MEF2C: variants seen among roughly 807,000 people sequenced by gnomAD.
The protein encoded by MEF2C is myocyte enhancer factor 2C.
A neutral mutation model predicts 50.5 loss-of-function variants in MEF2C; 6 were observed. That is an observed-to-expected ratio of 0.12 (90% CI 0.07 to 0.23). The LOEUF is 0.23. Among genes scored for constraint, MEF2C ranks in the 10% least tolerant of loss-of-function variants. MEF2C has a pLI of 1.00. For missense variants in MEF2C, 276 were observed against 605.0 expected (o/e 0.46, Z 5.70); for synonymous variants, 183 against 228.0 (o/e 0.80, Z 1.78).
chr5:88,888,381 C>G (rs988336936), intron 1 of MEF2C: 6 of 152,218 alleles, frequency 3.9e-5, no homozygotes, highest in Non-Finnish European at 8.8e-5. Flanking sequence ...AGCAGGAGGA[C>G]TTTGCATAGT....
At chr5:88,879,733 T>C (rs889478580) in intron 1 of MEF2C, among the ~76,000 whole-genome samples, 2 of 152,142 alleles carry the variant, frequency 1.3e-5, no homozygotes, top group African/African-American at 4.8e-5. Flanking sequence ...AGGACATGTT[T>C]TCTCTTACTT....
intron 5 of MEF2C, chr5:88,751,432 C>T (rs1477242587): frequency 1.0e-6 from 1 of 984,952 alleles, no homozygotes; most frequent in African/African-American, 1.7e-5. Flanking sequence ...AAAATTGACC[C>T]AAATAATAAA....
At chr5:88,795,238 A>G (rs1795520770) in intron 3 of MEF2C, among the ~76,000 whole-genome samples, 1 of 152,196 alleles carries the variant, frequency 6.6e-6, no homozygotes, top group Non-Finnish European at 1.5e-5. Flanking sequence ...TTTGGGCAGT[A>G]TGGCCATTTT....
intron 1 of MEF2C, among the ~76,000 whole-genome samples, chr5:88,852,534 T>C (rs1821762618): frequency 6.6e-6 from 1 of 152,198 alleles, no homozygotes; most frequent in African/African-American, 2.4e-5. Context: ...AATTATTTTA[T>C]TTTTCCAAGC....
chr5:88,879,347 A>G (rs1270293053), intron 1 of MEF2C, among the ~76,000 whole-genome samples: 1 of 148,930 alleles, frequency 6.7e-6, no homozygotes, highest in Non-Finnish European at 1.5e-5. Flanking sequence ...TGTTGTAAAG[A>G]ATGATCTTTA....
chr5:88,787,532 G>A (rs1297622980), intron 3 of MEF2C, among the ~76,000 whole-genome samples: 2 of 152,150 alleles, frequency 1.3e-5, no homozygotes, highest in African/African-American at 2.4e-5. Context: ...AACTGGAACT[G>A]AATTTTTAAT....
intron 4 of MEF2C, chr5:88,760,914 G>C (rs1695844520): frequency 6.8e-7 from 1 of 1,480,416 alleles, no homozygotes; most frequent in African/African-American, 1.4e-5. Flanking sequence ...CTTAGAGAAA[G>C]CCATCACTGA....
chr5:88,756,865 C>T (rs1775592152), intron 4 of MEF2C, among the ~76,000 whole-genome samples: 1 of 152,120 alleles, frequency 6.6e-6, no homozygotes, highest in South Asian at 2.1e-4. Context: ...CAGGGCCAGG[C>T]TCCAACTTTT....
intron 1 of MEF2C, among the ~76,000 whole-genome samples, chr5:88,860,635 A>G (rs1261610097): frequency 1.3e-5 from 2 of 152,198 alleles, no homozygotes; most frequent in Non-Finnish European, 2.9e-5. Flanking sequence ...CCTAGCAGCT[A>G]TGATCTGGAA....
At chr5:88,865,083 G>A (rs1826865745) in intron 1 of MEF2C, among the ~76,000 whole-genome samples, 1 of 152,064 alleles carries the variant, frequency 6.6e-6, no homozygotes, top group East Asian at 1.9e-4. Flanking sequence ...AAAATTTGGA[G>A]ACTGGATCTC....
intron 1 of MEF2C, among the ~76,000 whole-genome samples, chr5:88,847,467 G>C (rs1490655783): frequency 6.6e-6 from 1 of 152,128 alleles, no homozygotes; most frequent in African/African-American, 2.4e-5. Context: ...TCAGAACTCA[G>C]CACTGATTTC....
At chr5:88,751,181 A>G in intron 5 of MEF2C, 2 of 968,626 alleles carry the variant, frequency 2.1e-6, no homozygotes, top group Non-Finnish European at 1.2e-6. Flanking sequence ...TGATTGTTCT[A>G]AGTACTAAGA....
chr5:88,743,072 A>G (rs1028242857), intron 6 of MEF2C: 16 of 974,250 alleles, frequency 1.6e-5, no homozygotes, highest in Non-Finnish European at 1.8e-5. Flanking sequence ...AAACTAATGG[A>G]ACAATACTTT....
At chr5:88,757,521 T>G (rs2152602287) in intron 4 of MEF2C, among the ~76,000 whole-genome samples, 1 of 152,296 alleles carries the variant, frequency 6.6e-6, no homozygotes, top group Middle Eastern at 3.4e-3. Flanking sequence ...GTTCATTCCC[T>G]CTCCAACTCC....
intron 1 of MEF2C, among the ~76,000 whole-genome samples, chr5:88,845,070 C>G (rs1162380490): frequency 6.6e-6 from 1 of 152,176 alleles, no homozygotes; most frequent in Non-Finnish European, 1.5e-5. Flanking sequence ...TAATACTTTA[C>G]AATAGATAGG....
upstream of MEF2C, among the ~76,000 whole-genome samples, chr5:88,887,891 A>T (rs1459413497): frequency 6.6e-6 from 1 of 152,208 alleles, no homozygotes; most frequent in African/African-American, 2.4e-5. Flanking sequence ...TATACAAAGG[A>T]TTTGTTATTT....
At chr5:88,773,042 G>C (rs758712338) in intron 3 of MEF2C, 33 of 468,408 alleles carry the variant, frequency 7.0e-5, no homozygotes, top group Non-Finnish European at 8.9e-5. Context: ...GGGATTGTGG[G>C]AACACAATAC....
At chr5:88,805,627 T>A (rs1339954271) in intron 2 of MEF2C, among the ~76,000 whole-genome samples, 2 of 152,080 alleles carry the variant, frequency 1.3e-5, no homozygotes, top group African/African-American at 4.8e-5. Flanking sequence ...TAACTCAAAC[T>A]GCAAAGCCTC....
chr5:88,728,373 G>A, intron 10 of MEF2C, 120 bp downstream of exon 10: 1 of 814,212 alleles, frequency 1.2e-6, no homozygotes, highest in East Asian at 3.4e-5. Context: ...ATTACACTTG[G>A]ATTTCAATAA....
Sources: allele counts gnomAD v4.1 joint callset (sites outside exome capture counted in the v4.1 genomes callset), GRCh38; gene constraint gnomAD v4.1.1; transcripts MANE v1.5; gene names NCBI Gene and HGNC (gene_info 2026-07-23, HGNC 2026-07-21).